RBBP8NL: variants seen among roughly 807,000 people sequenced by gnomAD.
RBBP8NL encodes the protein RBBP8 N-terminal-like protein.
Under a neutral mutation model 62.2 loss-of-function variants are expected in RBBP8NL, and 59 were observed. The observed-to-expected ratio is 0.95, with a 90% CI of 0.77 to 1.18. The LOEUF (loss-of-function observed/expected upper bound fraction) is 1.18, where lower values mean the gene tolerates loss of function less well. Ranked by LOEUF, RBBP8NL falls within the 50% of genes most tolerant of loss-of-function variation. RBBP8NL has a pLI of 0.00. For synonymous variants in RBBP8NL, 412 were observed against 394.1 expected (o/e 1.05, Z -0.54); for missense variants, 896 against 899.5 (o/e 1.00, Z 0.05).
intron 1 of RBBP8NL, among the ~76,000 whole-genome samples, chr20:62,424,742 G>A (rs1003291457): frequency 9.2e-5 from 14 of 151,992 alleles, no homozygotes; most frequent in Non-Finnish European, 2.1e-4. Context: ...CCCTCTAAAG[G>A]CCCCCCAGAG....
At chr20:62,421,593 ATG>A (rs1320862050) in intron 1 of RBBP8NL, among the ~76,000 whole-genome samples, 2 of 137,960 alleles carry the variant, frequency 1.4e-5, no homozygotes, top group Non-Finnish European at 3.1e-5. Flanking sequence ...GCCAGTGTGC[ATG>A]TGTGTGGCAT....
intron 1 of RBBP8NL, among the ~76,000 whole-genome samples, chr20:62,426,173 T>C (rs995805782): frequency 2.7e-5 from 4 of 148,884 alleles, no homozygotes; most frequent in African/African-American, 7.5e-5. Flanking sequence ...ACAGTGGCAG[T>C]GGAAGCAGCG....
At position 62,410,553 on chromosome 20, in the gene RBBP8NL, G is replaced by A. The variant is rs905067541; in HGVS notation, c.*325C>T. The A allele has an allele frequency of 5.4e-6, 2 of 367,176 alleles. No individual in the cohort carries two copies. The highest frequency in any genetic ancestry group is 4.2e-5 in the African/African-American group (2 of 47,816). 22.7% of individuals were successfully genotyped at this position (367,176 alleles called of 1,614,324 possible). A position where few individuals can be genotyped will look rare whatever the true frequency, so the allele number is the denominator to read the frequency against. On this transcript the variant is annotated 3_prime_UTR_variant, in exon 14 of 14. Coordinates refer to ENST00000252998, the MANE Select transcript of RBBP8NL (RefSeq NM_080833.3). ...GTGCTGGGCTGTGGGAGGGGCCGCA[G>A]AGCATTTCCCAGGTGGGTGGAGACG...
intron 2 of RBBP8NL, among the ~76,000 whole-genome samples, chr20:62,419,320 G>C (rs1048606096): frequency 6.6e-6 from 1 of 152,192 alleles, no homozygotes; most frequent in Non-Finnish European, 1.5e-5. Flanking sequence ...ACCCTTGAAA[G>C]TGCCCCTCCC....
chr20:62,416,961 C>T (rs1218883364), intron 4 of RBBP8NL, 89 bp from the exon 5 acceptor site: 3 of 1,063,662 alleles, frequency 2.8e-6, no homozygotes, highest in Non-Finnish European at 4.1e-6. Context: ...CTGGGAAGTG[C>T]CCCTGCCCTT....
chr20:62,418,546 G>C, intron 2 of RBBP8NL, 81 bp from the exon 3 acceptor site: 3 of 1,354,994 alleles, frequency 2.2e-6, no homozygotes, highest in Non-Finnish European at 3.1e-6. Context: ...GGTCTGGGCA[G>C]AGCTGCAATG....
intron 13 of RBBP8NL, 31 bp from the exon 14 acceptor site, chr20:62,411,027 G>A (rs779233838): frequency 6.9e-7 from 1 of 1,444,450 alleles, no homozygotes. Flanking sequence ...TCAGGCCGGA[G>A]CTGTGTGCCT....
chr20:62,423,247 C>A (rs1332146496), intron 1 of RBBP8NL, among the ~76,000 whole-genome samples: 2 of 152,188 alleles, frequency 1.3e-5, no homozygotes, highest in Non-Finnish European at 2.9e-5. Context: ...GAAACTGAGG[C>A]TCAAACAGAT....
intron 2 of RBBP8NL, 110 bp from the exon 3 acceptor site, chr20:62,418,575 C>A: frequency 8.9e-7 from 1 of 1,128,668 alleles, no homozygotes; most frequent in Non-Finnish European, 1.3e-6. Flanking sequence ...CTGTCCCCTG[C>A]ACCCCCTGGG....
At chr20:62,413,369 A>T in intron 11 of RBBP8NL, 32 bp downstream of exon 11, 1 of 1,393,636 alleles carries the variant, frequency 7.2e-7, no homozygotes. Flanking sequence ...AACACCTCCC[A>T]GCTGGACTCT....
In RBBP8NL at chr20:62,415,956, G is replaced by C. The variant is rs761512222; in HGVS notation, c.387-11C>G. The C allele has an allele frequency of 6.6e-6, 10 of 1,514,376 alleles. No homozygotes were observed. The Admixed American group carries it at 2.1e-4, about 31-fold the overall frequency. The allele number at this position is 1,514,376 out of a possible 1,614,324, so 93.8% of individuals were successfully genotyped here. A position where few individuals can be genotyped will look rare whatever the true frequency, so the allele number is the denominator to read the frequency against. The stretch of plus-strand genomic sequence containing the variant: ...GGCTTGGGCCTGTCTCTAGAGGGGA[G>C]GCAGAGACAGGGAGGGTGAGGGAGA... On this transcript the variant is annotated splice_polypyrimidine_tract_variant and intron_variant, in intron 6 of 13. Transcript: ENST00000252998.
At chr20:62,417,360 A>G (rs1355473765) in intron 3 of RBBP8NL, 41 bp from the exon 4 acceptor site, 1 of 1,495,900 alleles carries the variant, frequency 6.7e-7, no homozygotes, top group Non-Finnish European at 9.1e-7. Context: ...TGTTCCATCC[A>G]GGAAGCCACA....
chr20:62,422,559 C>CAGGGCCCGGGGTGGGGAT (rs1988724033), intron 1 of RBBP8NL, among the ~76,000 whole-genome samples: 1 of 8,374 alleles, frequency 1.2e-4, no homozygotes, highest in African/African-American at 6.4e-4. Context: ...GGGGTGGGGA[C>CAGGGCCCGGGGTGGGGAT]GGGGACTGGG....
Position 62,418,451 on chromosome 20 carries a change from G to A in RBBP8NL, c.76C>T (p.Leu26Phe), listed in dbSNP as rs780907697. The change falls in exon 3 of 14, where the codon CTT (leucine) becomes TTT (phenylalanine). Residue 26 changes from leucine (L) to phenylalanine (F), a missense_variant. Leu to Phe is a conservative substitution (Grantham distance 22). Transcript: ENST00000252998. ...EKEVLGLQNK[L>F]LELNSERCRD... ...CACCTCTCTGAGTTCAGTTCCAGAA[G>A]CTTGTTCTGCAGGCCTGGGGGAGCA... 75 of 1,550,356 alleles carry A rather than the reference G, an allele frequency of 4.8e-5. 4 individuals are homozygous for A. In the South Asian group the frequency reaches 7.5e-4, roughly 15 times the overall value.
chr20:62,413,612 G>T (rs1988486271), intron 10 of RBBP8NL, 67 bp from the exon 11 acceptor site: 3 of 1,488,098 alleles, frequency 2.0e-6, no homozygotes, highest in South Asian at 1.4e-5. Context: ...CTCAGCCCTG[G>T]ACAGCCGGTG....
chr20:62,414,444 G>A lies in RBBP8NL; in HGVS notation c.907C>T (p.Pro303Ser), dbSNP rs1423188447. 1 of 1,503,032 alleles carries A rather than the reference G, an allele frequency of 6.7e-7. No individual in the cohort carries two copies. The highest frequency in any genetic ancestry group is 1.3e-5 in the South Asian group (1 of 77,774). 93.1% of individuals were successfully genotyped at this position (1,503,032 alleles called of 1,614,324 possible). A position where few individuals can be genotyped will look rare whatever the true frequency, so the allele number is the denominator to read the frequency against. Residue 303 changes from proline to serine, a missense_variant, in exon 10 of 14, where the codon CCC becomes TCC. Pro to Ser is a moderately conservative substitution (Grantham distance 74). Coordinates refer to ENST00000252998, the MANE Select transcript of RBBP8NL (RefSeq NM_080833.3). Reference sequence around the variant, plus strand: ...GCAGGGGCCAGGGGGCTGCTGTGGGGGCTCTGAAGGTGCAGGGACAGGGGG... The same window carrying A: ...GCAGGGGCCAGGGGGCTGCTGTGGGAGCTCTGAAGGTGCAGGGACAGGGGG... The part of the protein sequence containing the change: ...NRPLSLHLQS[P>S]HSSPLAPAAA...
chr20:62,412,786 C>A, intron 12 of RBBP8NL, 33 bp from the exon 13 acceptor site: 3 of 1,613,086 alleles, frequency 1.9e-6, no homozygotes, highest in Non-Finnish European at 2.5e-6. Context: ...ACGAGGAGGA[C>A]TGCCTCCTGG....
At position 62,417,962 on chromosome 20, in the gene RBBP8NL, G is replaced by A. The variant is rs201741783; in HGVS notation, c.104+461C>T. The stretch of plus-strand genomic sequence containing the variant: ...AGTCATCTGCACGCTCCTCTGTGAC[G>A]TCTGTCCTGTCCACACACCGCCCCC... On this transcript the variant is annotated intron_variant, in intron 3 of 13. Transcript: ENST00000252998. Among the ~76,000 whole-genome samples, 35 of 124,438 alleles carry A rather than the reference G, an allele frequency of 2.8e-4. 3 individuals are homozygous for A. In the East Asian group the frequency reaches 3.9e-3, roughly 14 times the overall value. 81.6% of individuals were successfully genotyped at this position (124,438 alleles called of 152,430 possible). A position where few individuals can be genotyped will look rare whatever the true frequency, so the allele number is the denominator to read the frequency against.
In RBBP8NL at chr20:62,414,000, G is replaced by A. The variant is rs752143359; in HGVS notation, c.1351C>T (p.Arg451Trp). 1.4e-5 allele frequency: 22 copies of A among 1,571,160 alleles called. No homozygotes were observed. The highest frequency in any genetic ancestry group is 8.2e-5 in the South Asian group (7 of 85,696). The stretch of plus-strand genomic sequence containing the variant: ...GCCGGCTTGGGAGTGTCCTGGCCCC[G>A]GGCCCGGCCCCACTCCGAGAGGTCC... ...PLDLSEWGRA[R>W]GQDTPKPAGQ... Residue 451 changes from arginine to tryptophan, a missense_variant, in exon 10 of 14, where the codon CGG becomes TGG. Coordinates refer to ENST00000252998, the MANE Select transcript of RBBP8NL (RefSeq NM_080833.3).
Sources: gnomAD v4.1 joint callset for allele counts (sites outside exome capture counted in the v4.1 genomes callset) on GRCh38, gnomAD v4.1.1 for gene constraint, MANE v1.5 for transcripts, NCBI Gene and HGNC (gene_info 2026-07-23, HGNC 2026-07-21) for gene names.